The following SIPA1L2 variants were observed in gnomAD, a reference collection of about 807,000 sequenced individuals.
SIPA1L2 encodes signal-induced proliferation-associated 1-like protein 2.
SIPA1L2 carries 56 observed loss-of-function variants against 163.9 expected under a neutral mutation model. That is an observed-to-expected ratio of 0.34 (90% CI 0.28 to 0.43). The LOEUF (loss-of-function observed/expected upper bound fraction) is 0.43. SIPA1L2 is among the 20% of genes least tolerant of loss of function. The pLI, the probability that SIPA1L2 is intolerant of heterozygous loss-of-function variation, is 1.00. For missense variants in SIPA1L2, 1,974 were observed against 2,193.5 expected (o/e 0.90, Z 2.00); for synonymous variants, 877 against 865.7 (o/e 1.01, Z -0.23).
intron 1 of SIPA1L2, among the ~76,000 whole-genome samples, chr1:232,603,720 C>G (rs1028739533): frequency 2.0e-5 from 3 of 152,014 alleles, no homozygotes; most frequent in Non-Finnish European, 2.9e-5. Flanking sequence ...ACCCACCTCT[C>G]CTTCCAGGCC....
At chr1:232,484,567 A>G (rs1022783994) in intron 5 of SIPA1L2, among the ~76,000 whole-genome samples, 1 of 150,508 alleles carries the variant, frequency 6.6e-6, no homozygotes, top group East Asian at 1.9e-4. Flanking sequence ...GATTACATTC[A>G]TTTGTTACAT....
At chr1:232,480,860 T>C (rs749141879) in intron 6 of SIPA1L2, among the ~76,000 whole-genome samples, 6 of 152,200 alleles carry the variant, frequency 3.9e-5, no homozygotes, top group Non-Finnish European at 8.8e-5. Flanking sequence ...CACGAAAACA[T>C]TCAACCTTCA....
At chr1:232,564,878 G>A (rs1007064852) in intron 2 of SIPA1L2, among the ~76,000 whole-genome samples, 4 of 152,158 alleles carry the variant, frequency 2.6e-5, no homozygotes, top group Middle Eastern at 3.4e-3. Flanking sequence ...GGAGGGGAAT[G>A]ACACACACTG....
intron 19 of SIPA1L2, among the ~76,000 whole-genome samples, chr1:232,413,640 C>T (rs1255567073): frequency 6.6e-6 from 1 of 152,200 alleles, no homozygotes; most frequent in Non-Finnish European, 1.5e-5. Flanking sequence ...CCTACTTACT[C>T]CTTGTTACTA....
intron 1 of SIPA1L2, among the ~76,000 whole-genome samples, chr1:232,620,017 T>C (rs563622767): frequency 1.3e-5 from 2 of 152,228 alleles, no homozygotes; most frequent in African/African-American, 4.8e-5. Flanking sequence ...CCTGAGTAGC[T>C]GGGATTACAG....
At chr1:232,408,884 A>G (rs1211073139) in intron 19 of SIPA1L2, among the ~76,000 whole-genome samples, 1 of 152,158 alleles carries the variant, frequency 6.6e-6, no homozygotes, top group Non-Finnish European at 1.5e-5. Flanking sequence ...TTATCTGACC[A>G]TATTACATTC....
intron 1 of SIPA1L2, among the ~76,000 whole-genome samples, chr1:232,577,478 GA>G (rs1003409594): frequency 6.6e-6 from 1 of 152,182 alleles, no homozygotes; most frequent in African/African-American, 2.4e-5. Context: ...TATTATTTAA[GA>G]GGTAATTTTC....
intron 1 of SIPA1L2, among the ~76,000 whole-genome samples, chr1:232,597,206 C>T (rs1573146431): frequency 6.6e-6 from 1 of 152,120 alleles, no homozygotes; most frequent in Non-Finnish European, 1.5e-5. Flanking sequence ...ATGAATACAG[C>T]CAAAATTAAA....
chr1:232,474,581 T>TA (rs1664946705), intron 7 of SIPA1L2, among the ~76,000 whole-genome samples: 1 of 152,200 alleles, frequency 6.6e-6, no homozygotes, highest in Non-Finnish European at 1.5e-5. Context: ...TAGCAGCAAT[T>TA]TATTGTGTAT....
intron 1 of SIPA1L2, among the ~76,000 whole-genome samples, chr1:232,578,146 G>A (rs1660175690): frequency 6.6e-6 from 1 of 152,074 alleles, no homozygotes; most frequent in Non-Finnish European, 1.5e-5. Flanking sequence ...ATAATCATTT[G>A]CATTTTTTAG....
intron 1 of SIPA1L2, among the ~76,000 whole-genome samples, chr1:232,591,384 T>C (rs1364269370): frequency 6.6e-6 from 1 of 152,246 alleles, no homozygotes; most frequent in East Asian, 1.9e-4. Context: ...TTGCTACTCA[T>C]GAGTACTGTG....
At chr1:232,591,037 G>T (rs946214423) in intron 1 of SIPA1L2, among the ~76,000 whole-genome samples, 2 of 152,238 alleles carry the variant, frequency 1.3e-5, no homozygotes, top group Non-Finnish European at 2.9e-5. Context: ...ATTTCAAGGT[G>T]TGTGCCCATT....
At chr1:232,480,232 T>C (rs2102969799) in intron 6 of SIPA1L2, among the ~76,000 whole-genome samples, 1 of 151,764 alleles carries the variant, frequency 6.6e-6, no homozygotes, top group South Asian at 2.1e-4. Context: ...CACTTGATCT[T>C]CCAGAACCCA....
chr1:232,617,379 T>C (rs1267938627), intron 1 of SIPA1L2, among the ~76,000 whole-genome samples: 1 of 152,194 alleles, frequency 6.6e-6, no homozygotes, highest in Non-Finnish European at 1.5e-5. Flanking sequence ...AAAAGGGAAG[T>C]TGAGATGTGA....
chr1:232,571,190 C>T (rs1659704508), intron 2 of SIPA1L2, among the ~76,000 whole-genome samples: 1 of 152,112 alleles, frequency 6.6e-6, no homozygotes, highest in South Asian at 2.1e-4. Flanking sequence ...TACAAGTGGT[C>T]AATAAGCATG....
intron 1 of SIPA1L2, among the ~76,000 whole-genome samples, chr1:232,580,030 A>T (rs1405688047): frequency 6.6e-6 from 1 of 152,238 alleles, no homozygotes; most frequent in Admixed American, 6.5e-5. Flanking sequence ...GCTACTCCAC[A>T]GGCAGAGCAG....
rs1429317117 is a variant in SIPA1L2 at position 232,398,748 on chromosome 1, T to C, written c.*379A>G. The C allele has an allele frequency of 5.8e-6, 1 of 172,574 alleles. No homozygotes were observed. Among genetic ancestry groups the C allele is most frequent in the African/African-American group, 2.4e-5 (1 of 42,366 alleles). 10.7% of individuals were successfully genotyped at this position (172,574 alleles called of 1,614,324 possible). On this transcript the variant is annotated 3_prime_UTR_variant, in exon 23 of 23. Transcript: ENST00000674635. ...TTTTACAATACTAAAGCCCAAACTATGGTAAATTGCTTTACATCTCTACCA... is the reference window on the plus strand; with the variant it reads ...TTTTACAATACTAAAGCCCAAACTACGGTAAATTGCTTTACATCTCTACCA...
intron 2 of SIPA1L2, among the ~76,000 whole-genome samples, chr1:232,520,244 C>T (rs1667402873): frequency 6.6e-6 from 1 of 152,108 alleles, no homozygotes; most frequent in African/African-American, 2.4e-5. Flanking sequence ...GGCTTTGCTC[C>T]CCAGTAAAAA....
intron 1 of SIPA1L2, among the ~76,000 whole-genome samples, chr1:232,603,672 T>TG (rs1661732527): frequency 6.6e-6 from 1 of 151,934 alleles, no homozygotes; most frequent in East Asian, 1.9e-4. Flanking sequence ...GTGGGAGAGC[T>TG]GGGGGATGGT....
Sources: allele counts gnomAD v4.1 joint callset (sites outside exome capture counted in the v4.1 genomes callset), GRCh38; gene constraint gnomAD v4.1.1; transcripts MANE v1.5; gene names NCBI Gene and HGNC (gene_info 2026-07-23, HGNC 2026-07-21).